The following SORCS2 variants were observed in gnomAD, a reference collection of about 807,000 sequenced individuals.
SORCS2 encodes VPS10 domain-containing receptor SorCS2.
In SORCS2, 100 loss-of-function variants were observed where a neutral mutation model predicts 141.6. The ratio of observed to expected loss-of-function variants is 0.71; its 90% CI spans 0.60 to 0.83. The LOEUF is 0.83. Among genes scored for constraint, SORCS2 ranks in the 40% least tolerant of loss-of-function variants. The pLI is 0.00. For synonymous variants in SORCS2, 789 were observed against 676.9 expected, an observed-to-expected ratio of 1.17 and a Z score of -2.57; for missense variants, 1,646 against 1,560.2, an observed-to-expected ratio of 1.05 and a Z score of -0.93.
At chr4:7,500,782 C>T (rs1033511342) in intron 2 of SORCS2, among the ~76,000 whole-genome samples, 1 of 152,182 alleles carries the variant, frequency 6.6e-6, no homozygotes, top group African/African-American at 2.4e-5. Context: ...TGCTGGAGGG[C>T]GGTAACGAGT....
chr4:7,318,215 G>A (rs141340856), intron 1 of SORCS2, among the ~76,000 whole-genome samples: 134 of 152,316 alleles, frequency 8.8e-4, no homozygotes, highest in African/African-American at 3.0e-3. Context: ...GGGAAACCAA[G>A]GCTCAGGGAG....
intron 1 of SORCS2, among the ~76,000 whole-genome samples, chr4:7,240,251 T>C (rs1712601767): frequency 6.6e-6 from 1 of 152,190 alleles, no homozygotes. Flanking sequence ...TGCTTGCACG[T>C]ACCACCTTGT....
intron 1 of SORCS2, among the ~76,000 whole-genome samples, chr4:7,350,033 CA>C (rs1448481733): frequency 6.6e-6 from 1 of 152,076 alleles, no homozygotes; most frequent in Admixed American, 6.5e-5. Flanking sequence ...CTGGGACATT[CA>C]AAAAAATAGC....
At chr4:7,629,455 T>A (rs1719734412) in intron 3 of SORCS2, among the ~76,000 whole-genome samples, 1 of 151,476 alleles carries the variant, frequency 6.6e-6, no homozygotes, top group African/African-American at 2.4e-5. Flanking sequence ...AGCTGAGAGG[T>A]GAGGGAGGGA....
At chr4:7,562,252 G>C (rs1443323954) in intron 3 of SORCS2, among the ~76,000 whole-genome samples, 2 of 152,170 alleles carry the variant, frequency 1.3e-5, no homozygotes, top group Non-Finnish European at 2.9e-5. Context: ...CCAGGCTGTG[G>C]GGAGATGGGA....
In SORCS2 at chr4:7,193,403, C is replaced by T. The variant is rs994734964; in HGVS notation, c.480+277C>T. On this transcript the variant is annotated intron_variant, in intron 1 of 26. Transcript: ENST00000507866. This position sits in a 1 kb window ranked among gnomAD's most constrained non-coding sequence, Gnocchi z 4.8. ...CCACCTCCGATACTCCCCCACTGGC[C>T]TCCAGGTCTTGGGTTACGGAGGAGG... 2.6e-5 allele frequency among the ~76,000 whole-genome samples: 4 copies of T among 152,240 alleles called. No homozygotes were observed. Among genetic ancestry groups the T allele is most frequent in the Admixed American group, 2.0e-4 (3 of 15,288 alleles).
chr4:7,674,722 C>T (rs193160866), intron 8 of SORCS2, among the ~76,000 whole-genome samples: 19 of 151,960 alleles, frequency 1.3e-4, no homozygotes, highest in Non-Finnish European at 1.8e-4. Context: ...CCCTGAGCCA[C>T]CTGCCAGGGC....
intron 8 of SORCS2, among the ~76,000 whole-genome samples, chr4:7,669,112 T>C (rs975840915): frequency 1.3e-5 from 2 of 152,236 alleles, no homozygotes; most frequent in Non-Finnish European, 2.9e-5. Context: ...CTGTGGACCC[T>C]TGACAGTGTG....
intron 2 of SORCS2, among the ~76,000 whole-genome samples, chr4:7,519,701 C>T (rs1436054200): frequency 1.3e-5 from 2 of 152,248 alleles, no homozygotes; most frequent in East Asian, 3.9e-4. Flanking sequence ...TTAGCCAGCA[C>T]TGGCTGATCT....
At chr4:7,217,884 T>C (rs1271829191) in intron 1 of SORCS2, among the ~76,000 whole-genome samples, 1 of 152,108 alleles carries the variant, frequency 6.6e-6, no homozygotes, top group Non-Finnish European at 1.5e-5. Context: ...ATTTTTAGGG[T>C]GGCGAGGGTC....
intron 1 of SORCS2, among the ~76,000 whole-genome samples, chr4:7,380,044 C>A (rs1338962710): frequency 6.6e-6 from 1 of 152,150 alleles, no homozygotes; most frequent in Non-Finnish European, 1.5e-5. Context: ...CCACGGGTCA[C>A]CAAAGGTTGC....
At chr4:7,198,144 A>T (rs950261584) in intron 1 of SORCS2, among the ~76,000 whole-genome samples, 2 of 152,030 alleles carry the variant, frequency 1.3e-5, no homozygotes, top group Non-Finnish European at 2.9e-5. Context: ...AAGGCTGTGG[A>T]GGGGGCTGAG....
Position 7,201,997 on chromosome 4 carries a change from C to T in SORCS2, c.480+8871C>T, listed in dbSNP as rs1413286211. 6.6e-6 allele frequency among the ~76,000 whole-genome samples: 1 copy of T among 152,026 alleles called. No homozygotes were observed. Among genetic ancestry groups the T allele is most frequent in the Non-Finnish European group, 1.5e-5 (1 of 68,022 alleles). Reference sequence around the variant, plus strand: ...CCTGCTTTTTCTTGGAAAGCGCCGTCCTGGATGTGAGCTTGGATTCTGGGT... The same window carrying T: ...CCTGCTTTTTCTTGGAAAGCGCCGTTCTGGATGTGAGCTTGGATTCTGGGT... On this transcript the variant is annotated intron_variant, in intron 1 of 26. Transcript: ENST00000507866. This position sits in a 1 kb window ranked among gnomAD's most constrained non-coding sequence, Gnocchi z 4.4.
chr4:7,316,766 A>C (rs1216180578), intron 1 of SORCS2, among the ~76,000 whole-genome samples: 3 of 152,186 alleles, frequency 2.0e-5, no homozygotes, highest in Non-Finnish European at 4.4e-5. Flanking sequence ...GCCATTCTGA[A>C]TGTGTTACCA....
rs1726909467 is a variant in SORCS2 at position 7,192,645 on chromosome 4, C to T, written c.-2C>T. 3 of 987,382 alleles carry T rather than the reference C, an allele frequency of 3.0e-6. No homozygotes were observed. Among genetic ancestry groups the T allele is most frequent in the Non-Finnish European group, 3.6e-6 (3 of 832,402 alleles). 61.2% of individuals were successfully genotyped at this position (987,382 alleles called of 1,614,324 possible). ...CCGGCTCCGCTGCCGCCCCTGGCGA[C>T]CATGGCGCACCGGGGGCCCTCGCGC... On this transcript the variant is annotated 5_prime_UTR_variant, in exon 1 of 27. Transcript: ENST00000507866. This position sits in a 1 kb window ranked among gnomAD's most constrained non-coding sequence, Gnocchi z 4.0.
At chr4:7,567,345 C>T (rs1165606907) in intron 3 of SORCS2, among the ~76,000 whole-genome samples, 1 of 152,066 alleles carries the variant, frequency 6.6e-6, no homozygotes, top group African/African-American at 2.4e-5. Context: ...TACATGTAGT[C>T]ATTATGTCTG....
intron 1 of SORCS2, among the ~76,000 whole-genome samples, chr4:7,366,618 C>T (rs1721915845): frequency 1.3e-5 from 2 of 152,022 alleles, no homozygotes; most frequent in African/African-American, 4.8e-5. Context: ...GGAACCTCCT[C>T]CTCCAGCCTC....
intron 1 of SORCS2, among the ~76,000 whole-genome samples, chr4:7,314,619 G>A (rs1047308840): frequency 4.6e-5 from 7 of 151,970 alleles, no homozygotes; most frequent in Non-Finnish European, 8.8e-5. Flanking sequence ...GATTACAGGC[G>A]TGAGCCACCG....
chr4:7,440,095 C>T (rs1431405000), intron 2 of SORCS2, among the ~76,000 whole-genome samples: 1 of 152,198 alleles, frequency 6.6e-6, no homozygotes, highest in East Asian at 1.9e-4. Context: ...CTACCATTGG[C>T]TGTATTTATT....
Sources: allele counts gnomAD v4.1 joint callset (sites outside exome capture counted in the v4.1 genomes callset), GRCh38; gene constraint gnomAD v4.1.1; non-coding constraint Gnocchi (gnomAD v3.1); transcripts MANE v1.5; gene names NCBI Gene and HGNC (gene_info 2026-07-23, HGNC 2026-07-21).